The following CNOT1 variants were observed in gnomAD, a reference collection of about 807,000 sequenced individuals.
CNOT1 encodes CCR4-associated factor 1.
In CNOT1, 15 loss-of-function variants were observed where a neutral mutation model predicts 273.8. The ratio of observed to expected loss-of-function variants is 0.05; its 90% CI spans 0.04 to 0.08. The LOEUF is 0.08. Among genes scored for constraint, CNOT1 ranks in the 10% least tolerant of loss-of-function variants. The pLI is 1.00. For missense variants in CNOT1, 1,644 were observed against 2,912.2 expected, an observed-to-expected ratio of 0.56 and a Z score of 10.02; for synonymous variants, 1,022 against 1,005.5, an observed-to-expected ratio of 1.02 and a Z score of -0.31.
At position 58,553,833 on chromosome 16, in the gene CNOT1, C is replaced by T. The variant is rs11866002; in HGVS notation, c.2919G>A (p.Gln973=). 0.32 allele frequency: 517,199 copies of T among 1,608,122 alleles called. 90,358 individuals are homozygous for T. The highest frequency in any genetic ancestry group is 0.6 in the East Asian group (26,765 of 44,328). The change falls in exon 22 of 49, where the codon CAG becomes CAA. Residue 973 remains glutamine, a synonymous_variant. Coordinates refer to ENST00000317147, the MANE Select transcript of CNOT1 (RefSeq NM_016284.5). The part of the protein sequence containing the change: ...NRLKDYPQYC[Q]HLASISHFMQ... Reference sequence around the variant, plus strand: ...TAAAGTGACTGATAGAAGCCAAATGCTGACAATACTGGGGATAGTCCTTCA... The same window carrying T: ...TAAAGTGACTGATAGAAGCCAAATGTTGACAATACTGGGGATAGTCCTTCA...
intron 46 of CNOT1, 70 bp from the exon 47 acceptor site, chr16:58,523,572 C>T: frequency 6.7e-7 from 1 of 1,488,634 alleles, no homozygotes; most frequent in African/African-American, 1.4e-5. Context: ...TTCTAACTGG[C>T]TAGGGTTTGG....
intron 1 of CNOT1, among the ~76,000 whole-genome samples, chr16:58,612,465 G>A (rs12598855): frequency 0.23 from 34,690 of 151,880 alleles, 4,355 homozygotes; most frequent in African/African-American, 0.33. Flanking sequence ...TCAGACTGGC[G>A]CCGTGGCTCA....
At chr16:58,608,554 A>AG (rs1182066825) in intron 1 of CNOT1, among the ~76,000 whole-genome samples, 1 of 9,994 alleles carries the variant, frequency 1.0e-4, no homozygotes, top group Non-Finnish European at 2.2e-4. Context: ...ACTCTGTCTC[A>AG]AAAAAAAAAA....
Position 58,588,354 on chromosome 16 carries a change from G to GT in CNOT1, c.210+444dup, listed in dbSNP as rs1393294252. On this transcript the variant is annotated intron_variant, in intron 3 of 48. Transcript: ENST00000317147. ...ATGTAAAGAAAGTTATAAAAATAGA[G>GT]TTTTTTAAAAAAAAAACTCATTACA... Among the ~76,000 whole-genome samples the GT allele has an allele frequency of 4.0e-5, 6 of 151,574 alleles. No individual in the cohort carries two copies. In the South Asian group the frequency reaches 6.3e-4, roughly 16 times the overall value.
chr16:58,585,199 G>A (rs760762876), intron 8 of CNOT1, 139 bp downstream of exon 8: 66 of 1,223,768 alleles, frequency 5.4e-5, no homozygotes, highest in South Asian at 3.3e-4. Context: ...ACACTAGTTC[G>A]TGGAAGATTA....
intron 1 of CNOT1, among the ~76,000 whole-genome samples, chr16:58,601,734 T>TAAAAACACAAAAAAAAAAAAAAA (rs2042471242): frequency 1.1e-5 from 1 of 91,514 alleles, no homozygotes; most frequent in African/African-American, 3.9e-5. Flanking sequence ...ATACCCACCT[T>TAAAAACACAAAAAAAAAAAAAAA]AAAAAAAAAA....
Position 58,581,656 on chromosome 16 carries a change from CTTTTTTTTTCTT to C in CNOT1, c.1045-153_1045-142del, listed in dbSNP as rs1453223284. Reference sequence around the variant, plus strand: ...TAATGTGAATTTTAAGAAACCCATTCTTTTTTTTTCTTTTTTTTTTTTTAAGACAGAGTCTCA... The same window carrying C: ...TAATGTGAATTTTAAGAAACCCATTCTTTTTTTTTTTAAGACAGAGTCTCA... On this transcript the variant is annotated intron_variant, in intron 10 of 48. Transcript: ENST00000317147. 2.8e-5 allele frequency: 36 copies of C among 1,276,292 alleles called. No homozygotes were observed. In the East Asian group the frequency reaches 9.9e-4, roughly 35 times the overall value. The allele number at this position is 1,276,292 out of a possible 1,614,324, so 79.1% of individuals were successfully genotyped here.
intron 46 of CNOT1, 126 bp downstream of exon 46, chr16:58,525,053 G>A: frequency 1.2e-6 from 1 of 862,258 alleles, no homozygotes; most frequent in South Asian, 1.6e-5. Context: ...AGCTAGACCT[G>A]TGAATAAATA....
At position 58,574,998 on chromosome 16, in the gene CNOT1, C is replaced by G. The variant is rs759911775; in HGVS notation, c.1827+9G>C. 6.2e-7 allele frequency: 1 copy of G among 1,609,952 alleles called. No individual in the cohort carries two copies. The highest frequency in any genetic ancestry group is 8.5e-7 in the Non-Finnish European group (1 of 1,179,078). Reference sequence around the variant, plus strand: ...TAAGAGCAAAAATAAATGAACAAATCCTGCTTACCCCATGCTCTCGAATTT... The same window carrying G: ...TAAGAGCAAAAATAAATGAACAAATGCTGCTTACCCCATGCTCTCGAATTT... On this transcript the variant is annotated intron_variant, in intron 15 of 48. Transcript: ENST00000317147.
At chr16:58,587,635 G>T in intron 4 of CNOT1, 145 bp downstream of exon 4, 2 of 1,110,516 alleles carry the variant, frequency 1.8e-6, no homozygotes, top group Non-Finnish European at 2.5e-6. Flanking sequence ...GAACTGCCTT[G>T]ATTTTGTTAC....
intron 33 of CNOT1, among the ~76,000 whole-genome samples, chr16:58,541,838 T>C (rs894089258): frequency 6.6e-6 from 1 of 152,212 alleles, no homozygotes; most frequent in Non-Finnish European, 1.5e-5. Context: ...ATAAATTAAC[T>C]GAGAGTTTCT....
chr16:58,543,528 A>T (rs188816447), intron 31 of CNOT1, 79 bp downstream of exon 31: 1 of 1,606,026 alleles, frequency 6.2e-7, no homozygotes, highest in Non-Finnish European at 8.5e-7. Flanking sequence ...GCCCAGTGCC[A>T]TATATAGACA....
At chr16:58,521,108 T>G in intron 48 of CNOT1, 72 bp from the exon 49 acceptor site, 2 of 1,613,474 alleles carry the variant, frequency 1.2e-6, no homozygotes, top group Non-Finnish European at 1.7e-6. Flanking sequence ...CTCATTCAGC[T>G]GACCCAACCT....
intron 43 of CNOT1, 120 bp from the exon 44 acceptor site, chr16:58,528,768 T>C: frequency 1.6e-6 from 1 of 618,524 alleles, no homozygotes; most frequent in Admixed American, 3.2e-5. Context: ...GTAACATTTC[T>C]TAAAAAGTTT....
At chr16:58,523,592 A>G in intron 46 of CNOT1, 90 bp from the exon 47 acceptor site, 1 of 1,194,260 alleles carries the variant, frequency 8.4e-7, no homozygotes, top group East Asian at 2.4e-5. Flanking sequence ...GGTTTCTGAC[A>G]GAGGCTTTCA....
intron 2 of CNOT1, among the ~76,000 whole-genome samples, chr16:58,591,529 G>C (rs987109509): frequency 2.6e-5 from 4 of 152,078 alleles, no homozygotes; most frequent in Non-Finnish European, 5.9e-5. Flanking sequence ...TGAACTGGGC[G>C]GATCACCTGA....
chr16:58,521,466 C>T, intron 47 of CNOT1, 149 bp from the exon 48 acceptor site: 2 of 726,004 alleles, frequency 2.8e-6, no homozygotes, highest in Non-Finnish European at 4.5e-6. Context: ...TTAATATACT[C>T]CAAATAGCAC....
intron 13 of CNOT1, among the ~76,000 whole-genome samples, chr16:58,576,933 A>G (rs1000288476): frequency 1.3e-5 from 2 of 152,230 alleles, no homozygotes; most frequent in Non-Finnish European, 2.9e-5. Context: ...AATGCAAATT[A>G]CTGGTATATA....
intron 1 of CNOT1, among the ~76,000 whole-genome samples, chr16:58,628,644 G>A (rs2043684370): frequency 6.7e-6 from 1 of 150,054 alleles, no homozygotes; most frequent in Non-Finnish European, 1.5e-5. Flanking sequence ...TCGAATTGTA[G>A]AGAAATCGGC....
Sources: allele counts gnomAD v4.1 joint callset (sites outside exome capture counted in the v4.1 genomes callset), GRCh38; gene constraint gnomAD v4.1.1; transcripts MANE v1.5; gene names NCBI Gene and HGNC (gene_info 2026-07-23, HGNC 2026-07-21).